KIAA0232: variants seen among roughly 807,000 people sequenced by gnomAD.
KIAA0232 encodes KIAA0232.
A neutral mutation model predicts 122.0 loss-of-function variants in KIAA0232; 27 were observed. The observed-to-expected ratio is 0.22, with a 90% CI of 0.16 to 0.31. KIAA0232 has a LOEUF of 0.31. KIAA0232 is among the 10% of genes least tolerant of loss of function. KIAA0232 has a pLI of 1.00. For missense variants in KIAA0232, 1,551 were observed against 1,634.2 expected (o/e 0.95, Z 0.88); for synonymous variants, 613 against 587.6 (o/e 1.04, Z -0.63).
intron 7 of KIAA0232, among the ~76,000 whole-genome samples, chr4:6,867,424 G>C (rs532721627): frequency 4.6e-5 from 7 of 152,224 alleles, no homozygotes; most frequent in Non-Finnish European, 8.8e-5. Flanking sequence ...GGGATCTCAC[G>C]GTCTCTGGAG....
At chr4:6,794,701 T>C (rs1717055249) in intron 1 of KIAA0232, among the ~76,000 whole-genome samples, 1 of 152,092 alleles carries the variant, frequency 6.6e-6, no homozygotes, top group African/African-American at 2.4e-5. Context: ...TGAAAGGCCT[T>C]GGTTCTGCAT....
In KIAA0232 at chr4:6,855,754, G is replaced by A. The variant is rs1012990229; in HGVS notation, c.370-1410G>A. The A allele has an allele frequency of 7.7e-6, 5 of 646,062 alleles. No homozygotes were observed. Among genetic ancestry groups the A allele is most frequent in the East Asian group, 1.4e-4 (1 of 7,272 alleles). The allele number at this position is 646,062 out of a possible 1,614,324, so 40.0% of individuals were successfully genotyped here. On this transcript the variant is annotated intron_variant, in intron 4 of 9. Coordinates refer to ENST00000307659, the MANE Select transcript of KIAA0232 (RefSeq NM_014743.3). The surrounding 1 kb of genome is among the most constrained non-coding windows in gnomAD (Gnocchi z 4.3). ...CTAGAGGTTCAGTGTTCTGCATTGC[G>A]AGACTAGCCCTAGGTTTAGAAACCT...
intron 2 of KIAA0232, among the ~76,000 whole-genome samples, chr4:6,806,489 C>G (rs1301440923): frequency 6.6e-6 from 1 of 152,002 alleles, no homozygotes; most frequent in African/African-American, 2.4e-5. Flanking sequence ...AATCCCAGCA[C>G]TTTGGGAGGC....
At chr4:6,813,901 C>T (rs541578701) in intron 2 of KIAA0232, among the ~76,000 whole-genome samples, 56 of 152,172 alleles carry the variant, frequency 3.7e-4, no homozygotes, top group Admixed American at 7.2e-4. Flanking sequence ...CCTGGCTTGA[C>T]GTCTGTTCTC....
chr4:6,874,977 G>A (rs1172776769), intron 8 of KIAA0232, among the ~76,000 whole-genome samples: 1 of 152,220 alleles, frequency 6.6e-6, no homozygotes, highest in Non-Finnish European at 1.5e-5. Flanking sequence ...GCCTGCCTCT[G>A]AGCTATCCTT....
chr4:6,860,687 TCA>T (rs1720806413), intron 6 of KIAA0232, among the ~76,000 whole-genome samples: 2 of 152,222 alleles, frequency 1.3e-5, no homozygotes, highest in South Asian at 4.1e-4. Context: ...ACAGTGCGTA[TCA>T]CAGTGCTGAG....
chr4:6,873,516 A>C (rs991802291), intron 8 of KIAA0232, among the ~76,000 whole-genome samples: 1 of 152,216 alleles, frequency 6.6e-6, no homozygotes, highest in African/African-American at 2.4e-5. Flanking sequence ...CCTTGTGGAA[A>C]AGAACCAATT....
chr4:6,821,021 G>A (rs1718398046), intron 2 of KIAA0232, among the ~76,000 whole-genome samples: 2 of 152,114 alleles, frequency 1.3e-5, no homozygotes, highest in South Asian at 4.1e-4. Context: ...GTGACATGAA[G>A]TTGGAGCCCT....
intron 2 of KIAA0232, among the ~76,000 whole-genome samples, chr4:6,814,683 G>C (rs1041285458): frequency 6.6e-6 from 1 of 152,072 alleles, no homozygotes; most frequent in African/African-American, 2.4e-5. Context: ...AGAAAACAAT[G>C]ACCCTGGGAA....
At chr4:6,826,273 T>A (rs1263560196) in intron 3 of KIAA0232, among the ~76,000 whole-genome samples, 1 of 152,216 alleles carries the variant, frequency 6.6e-6, no homozygotes, top group African/African-American at 2.4e-5. Context: ...GATTAACTTA[T>A]AACCTAATAA....
Position 6,796,961 on chromosome 4 carries a change from T to A in KIAA0232, c.-353-7562T>A, listed in dbSNP as rs1717159444. Among the ~76,000 whole-genome samples the A allele has an allele frequency of 2.0e-5, 3 of 152,234 alleles. No individual in the cohort carries two copies. The South Asian group carries it at 6.2e-4, about 31-fold the overall frequency. On this transcript the variant is annotated intron_variant, in intron 1 of 9. Coordinates refer to ENST00000307659, the MANE Select transcript of KIAA0232 (RefSeq NM_014743.3). Reference sequence around the variant, plus strand: ...TCCTGATCATCTCATAGGAACAGACTTTGGGACATTTACTGACAACAGTCA... The same window carrying A: ...TCCTGATCATCTCATAGGAACAGACATTGGGACATTTACTGACAACAGTCA...
chr4:6,789,308 C>G (rs1716777321), intron 1 of KIAA0232, among the ~76,000 whole-genome samples: 1 of 141,092 alleles, frequency 7.1e-6, no homozygotes, highest in South Asian at 2.3e-4. Context: ...GAGTTTTACT[C>G]TGTCACCCAG....
rs546598866 is a variant in KIAA0232, at chr4:6,879,327, G to A, written c.4009-1460G>A. ...CAAAAACATCAGGCGCCGTGTATCC[G>A]AGGCCAGAGAGCCACAGCTTCAGTG... On this transcript the variant is annotated intron_variant, in intron 9 of 9. Transcript: ENST00000307659. Among the ~76,000 whole-genome samples, 72 of 152,232 alleles carry A rather than the reference G, an allele frequency of 4.7e-4. No individual in the cohort carries two copies. The South Asian group carries it at 0.014, about 29-fold the overall frequency.
Position 6,855,835 on chromosome 4 carries a change from T to A in KIAA0232, c.370-1329T>A. On this transcript the variant is annotated intron_variant, in intron 4 of 9. Transcript: ENST00000307659. This position sits in a 1 kb window ranked among gnomAD's most constrained non-coding sequence, Gnocchi z 4.3. The stretch of plus-strand genomic sequence containing the variant: ...TGCAGTGTGTCAGCTGACACTGGTG[T>A]TGGTTTCACGATCCGAAGGAAATGG... 1.0e-6 allele frequency: 1 copy of A among 985,324 alleles called. No individual in the cohort carries two copies. The highest frequency in any genetic ancestry group is 1.2e-6 in the Non-Finnish European group (1 of 829,852). 61.0% of individuals were successfully genotyped at this position (985,324 alleles called of 1,614,324 possible). A position where few individuals can be genotyped will look rare whatever the true frequency, so the allele number is the denominator to read the frequency against.
rs756028231 is a variant in KIAA0232, at chr4:6,879,558, G to A, written c.4009-1229G>A. ...GCTTTTCTGTGCTTCTGCCTCAGGG[G>A]TTCTCAACCAGGGGCAATGCTGCCA... is the stretch of plus-strand genomic sequence containing the variant. On this transcript the variant is annotated intron_variant, in intron 9 of 9. Coordinates refer to ENST00000307659, the MANE Select transcript of KIAA0232 (RefSeq NM_014743.3). Among the ~76,000 whole-genome samples the A allele has an allele frequency of 3.9e-5, 6 of 152,306 alleles. No homozygotes were observed. The South Asian group carries it at 1.2e-3, about 32-fold the overall frequency.
chr4:6,801,928 T>C (rs1717402402), intron 1 of KIAA0232, among the ~76,000 whole-genome samples: 3 of 152,220 alleles, frequency 2.0e-5, no homozygotes, highest in African/African-American at 7.2e-5. Context: ...ATAAAGTTTG[T>C]ATCCCTCACT....
intron 1 of KIAA0232, among the ~76,000 whole-genome samples, chr4:6,801,884 AGTTATTT>A (rs1326329480): frequency 1.3e-5 from 2 of 152,280 alleles, no homozygotes; most frequent in Non-Finnish European, 2.9e-5. Flanking sequence ...TAGCTTTAGA[AGTTATTT>A]GTATACATGC....
chr4:6,825,739 A>G (rs13129245), intron 3 of KIAA0232, among the ~76,000 whole-genome samples: 88,591 of 151,888 alleles, frequency 0.58, 26,521 homozygotes, highest in African/African-American at 0.71. Flanking sequence ...GGTGACTTCT[A>G]TCTACAAATT....
At chr4:6,783,722 G>A (rs1716475727) in intron 1 of KIAA0232, among the ~76,000 whole-genome samples, 1 of 151,250 alleles carries the variant, frequency 6.6e-6, no homozygotes, top group Admixed American at 6.6e-5. Flanking sequence ...GGGCGGGGCC[G>A]GTGCGGCGCA....
Sources: gnomAD v4.1 joint callset for allele counts (sites outside exome capture counted in the v4.1 genomes callset) on GRCh38, gnomAD v4.1.1 for gene constraint, Gnocchi (gnomAD v3.1) non-coding constraint, MANE v1.5 for transcripts, NCBI Gene and HGNC (gene_info 2026-07-23, HGNC 2026-07-21) for gene names.